POLR3B: variants seen among roughly 807,000 people sequenced by gnomAD.
The protein encoded by POLR3B is DNA-directed RNA polymerase III subunit RPC2.
In POLR3B, 96 loss-of-function variants were observed where a neutral mutation model predicts 147.4. The ratio of observed to expected loss-of-function variants is 0.65; its 90% confidence interval spans 0.55 to 0.77. The LOEUF (loss-of-function observed/expected upper bound fraction) is 0.77, where lower values mean the gene tolerates loss of function less well. POLR3B is among the 30% of genes least tolerant of loss of function. The probability of loss-of-function intolerance (pLI) is 0.00; values close to 1 mark genes in which losing one functional copy is unlikely to be tolerated. For synonymous variants in POLR3B, 461 were observed against 485.9 expected (o/e 0.95, Z 0.67); for missense variants, 1,036 against 1,413.5 (o/e 0.73, Z 4.28).
intron 23 of POLR3B, among the ~76,000 whole-genome samples, chr12:106,490,116 T>A (rs1185198940): frequency 6.6e-6 from 1 of 152,216 alleles, no homozygotes. Flanking sequence ...AGCTCGCCAG[T>A]AACCCTCTGA....
intron 25 of POLR3B, chr12:106,500,020 C>T: frequency 4.4e-6 from 2 of 452,734 alleles, no homozygotes; most frequent in Non-Finnish European, 8.9e-6. Context: ...ACCAGTGTTG[C>T]AGGGAGAGCC....
At chr12:106,483,288 C>T (rs1200978334) in intron 23 of POLR3B, among the ~76,000 whole-genome samples, 1 of 152,178 alleles carries the variant, frequency 6.6e-6, no homozygotes, top group African/African-American at 2.4e-5. Context: ...TGTATACATG[C>T]CCACCCACGT....
chr12:106,509,017 A>G (rs1286976923), intron 27 of POLR3B, among the ~76,000 whole-genome samples: 1 of 152,202 alleles, frequency 6.6e-6, no homozygotes, highest in Non-Finnish European at 1.5e-5. Context: ...ATACATGGAG[A>G]TTGATTGAAT....
intron 23 of POLR3B, among the ~76,000 whole-genome samples, chr12:106,494,828 A>G (rs2038454947): frequency 6.6e-6 from 1 of 152,232 alleles, no homozygotes; most frequent in Admixed American, 6.5e-5. Context: ...TACATGCTCT[A>G]GAATTCAACT....
At chr12:106,404,241 C>T (rs1034210802) in intron 10 of POLR3B, among the ~76,000 whole-genome samples, 3 of 152,028 alleles carry the variant, frequency 2.0e-5, no homozygotes, top group African/African-American at 7.2e-5. Flanking sequence ...CAGGTGTGCA[C>T]CACGATGCCC....
chr12:106,390,092 C>T (rs2036893527), intron 9 of POLR3B, among the ~76,000 whole-genome samples: 2 of 152,006 alleles, frequency 1.3e-5, no homozygotes, highest in African/African-American at 4.8e-5. Context: ...GTGGCAGATG[C>T]CTGTAGTCCC....
chr12:106,478,870 A>G (rs763076429), intron 23 of POLR3B, among the ~76,000 whole-genome samples: 1 of 151,876 alleles, frequency 6.6e-6, no homozygotes, highest in Non-Finnish European at 1.5e-5. Context: ...CTAGGTTGAA[A>G]ATTGTTTTCC....
intron 23 of POLR3B, among the ~76,000 whole-genome samples, chr12:106,495,789 G>C (rs979536114): frequency 1.3e-5 from 2 of 152,236 alleles, no homozygotes; most frequent in African/African-American, 4.8e-5. Context: ...TGGCACAGGA[G>C]GGTGGGCAGG....
At chr12:106,499,662 G>A (rs1172814718) in intron 25 of POLR3B, among the ~76,000 whole-genome samples, 1 of 152,222 alleles carries the variant, frequency 6.6e-6, no homozygotes, top group Non-Finnish European at 1.5e-5. Context: ...GAGCAGGAAA[G>A]AATCTTGTTC....
rs2036863323 is a variant in POLR3B at position 106,388,031 on chromosome 12, TA to T, written c.724-4999del. 2.0e-5 allele frequency among the ~76,000 whole-genome samples: 3 copies of T among 152,178 alleles called. 1 individual carries two copies. The highest frequency in any genetic ancestry group is 6.3e-3 in the Middle Eastern group (2 of 316). ...TCATTAGGACTTGATGGTTGTTGAT[TA>T]TAACCAACAATTGGCTGAAAGTGAC... On this transcript the variant is annotated intron_variant, in intron 9 of 27. Coordinates refer to ENST00000228347, the MANE Select transcript of POLR3B (RefSeq NM_018082.6).
chr12:106,369,445 G>T (rs142842394), intron 5 of POLR3B, 95 bp downstream of exon 5: 7 of 949,480 alleles, frequency 7.4e-6, no homozygotes, highest in East Asian at 4.8e-5. Flanking sequence ...AAATGGGATG[G>T]GGGGGGACAT....
intron 23 of POLR3B, among the ~76,000 whole-genome samples, chr12:106,490,911 T>G (rs2038398920): frequency 6.6e-6 from 1 of 152,176 alleles, no homozygotes; most frequent in African/African-American, 2.4e-5. Flanking sequence ...AATAGATATC[T>G]GCAACCCCAG....
intron 14 of POLR3B, 83 bp downstream of exon 14, chr12:106,430,556 T>C: frequency 9.9e-7 from 1 of 1,008,006 alleles, no homozygotes; most frequent in East Asian, 2.4e-5. Context: ...GGTCTGCTTC[T>C]GTTCCCATCT....
chr12:106,390,997 A>G (rs1030855356), intron 9 of POLR3B, among the ~76,000 whole-genome samples: 1 of 152,142 alleles, frequency 6.6e-6, no homozygotes, highest in Admixed American at 6.5e-5. Flanking sequence ...CTATGATTGC[A>G]CCTGTGAATA....
In POLR3B at chr12:106,430,346, T is replaced by C; in HGVS notation, c.1337T>C (p.Ile446Thr). The C allele has an allele frequency of 6.2e-7, 1 of 1,614,044 alleles. No individual in the cohort carries two copies. Among genetic ancestry groups the C allele is most frequent in the East Asian group, 2.2e-5 (1 of 44,870 alleles). The change falls in exon 14 of 28, where the codon ATA (isoleucine) becomes ACA (threonine). Residue 446 changes from isoleucine (I) to threonine (T), a missense_variant. Physicochemically the swap from Ile to Thr is moderately conservative, Grantham distance 89. Transcript: ENST00000228347. The stretch of plus-strand genomic sequence containing the variant: ...CAAGTGCTGTCTCGCTTGTCATATA[T>C]ATCCGCACTGGGCATGATGACAAGA... ...VTQVLSRLSY[I>T]SALGMMTRIS...
chr12:106,444,438 A>G (rs1166509094), intron 18 of POLR3B, 25 bp from the exon 19 acceptor site: 3 of 1,612,916 alleles, frequency 1.9e-6, no homozygotes, highest in East Asian at 2.2e-5. Flanking sequence ...TGCTTAAGAT[A>G]TGTGATTTTT....
At chr12:106,369,179 T>C in intron 4 of POLR3B, 96 bp from the exon 5 acceptor site, 1 of 786,080 alleles carries the variant, frequency 1.3e-6, no homozygotes, top group Non-Finnish European at 2.3e-6. Context: ...TAAGCATTTA[T>C]CAAAACATAA....
intron 8 of POLR3B, among the ~76,000 whole-genome samples, chr12:106,379,407 C>T (rs1468038686): frequency 1.3e-5 from 2 of 152,220 alleles, no homozygotes; most frequent in Admixed American, 1.3e-4. Flanking sequence ...TGAGACAATA[C>T]TTCAGTTTGA....
chr12:106,368,353 C>T (rs372008690), intron 4 of POLR3B, among the ~76,000 whole-genome samples: 5 of 151,984 alleles, frequency 3.3e-5, no homozygotes, highest in African/African-American at 1.2e-4. Context: ...TGTATACGAA[C>T]ACATATGTGC....
Sources: allele counts gnomAD v4.1 joint callset (sites outside exome capture counted in the v4.1 genomes callset), GRCh38; gene constraint gnomAD v4.1.1; transcripts MANE v1.5; gene names NCBI Gene and HGNC (gene_info 2026-07-23, HGNC 2026-07-21).